The following RALYL variants were observed in gnomAD, a reference collection of about 807,000 sequenced individuals.
RALYL encodes the protein RNA-binding Raly-like protein.
A neutral mutation model predicts 35.1 loss-of-function variants in RALYL; 29 were observed. The ratio of observed to expected loss-of-function variants is 0.83; its 90% CI spans 0.61 to 1.13. RALYL has a LOEUF of 1.13. RALYL is among the 50% of genes most tolerant of loss of function. RALYL has a pLI of 0.00. For missense variants in RALYL, 359 were observed against 360.4 expected (o/e 1.00, Z 0.03); for synonymous variants, 120 against 127.6 (o/e 0.94, Z 0.40).
chr8:84,209,426 A>G (rs1461109730), intron 1 of RALYL, among the ~76,000 whole-genome samples: 1 of 152,184 alleles, frequency 6.6e-6, no homozygotes, highest in Non-Finnish European at 1.5e-5. Context: ...TTTGCATCCT[A>G]CACTCTAAAA....
Position 84,293,622 on chromosome 8 carries a change from T to C in RALYL, c.-24+109198T>C, listed in dbSNP as rs192290548. Among the ~76,000 whole-genome samples, 5 of 152,306 alleles carry C rather than the reference T, an allele frequency of 3.3e-5. No homozygotes were observed. In the East Asian group the frequency reaches 9.7e-4, roughly 29 times the overall value. On this transcript the variant is annotated intron_variant, in intron 1 of 8. Coordinates refer to ENST00000521268, the MANE Select transcript of RALYL (RefSeq NM_173848.7). ...GATAACAAAGCTCTTGAATTTAGCATAGTCTTTCTAAATCATTTTGAGTAG... is the reference window on the plus strand; with the variant it reads ...GATAACAAAGCTCTTGAATTTAGCACAGTCTTTCTAAATCATTTTGAGTAG...
At chr8:84,610,910 TCTTA>T (rs1818171477) in intron 2 of RALYL, among the ~76,000 whole-genome samples, 1 of 149,472 alleles carries the variant, frequency 6.7e-6, no homozygotes, top group Non-Finnish European at 1.5e-5. Flanking sequence ...TTTAGCATTT[TCTTA>T]CTTTGTGGCA....
chr8:84,839,018 C>G (rs1832620895), intron 4 of RALYL, among the ~76,000 whole-genome samples: 1 of 152,210 alleles, frequency 6.6e-6, no homozygotes, highest in African/African-American at 2.4e-5. Context: ...AGGAACAGCT[C>G]CAGTCTACAG....
chr8:84,609,681 A>C (rs1319420897), intron 2 of RALYL, among the ~76,000 whole-genome samples: 1 of 152,206 alleles, frequency 6.6e-6, no homozygotes, highest in African/African-American at 2.4e-5. Flanking sequence ...AATGCTCTGC[A>C]TACAGTTTCT....
chr8:84,617,187 T>C (rs1819955253), intron 2 of RALYL, among the ~76,000 whole-genome samples: 1 of 151,160 alleles, frequency 6.6e-6, no homozygotes, highest in Non-Finnish European at 1.5e-5. Flanking sequence ...TTGGGCAGTA[T>C]GGCCATTTTC....
chr8:84,722,349 A>T (rs150857154), intron 2 of RALYL, among the ~76,000 whole-genome samples: 43 of 152,102 alleles, frequency 2.8e-4, no homozygotes, highest in African/African-American at 1.0e-3. Context: ...AAAATATTGT[A>T]TGGTTGATAA....
intron 1 of RALYL, among the ~76,000 whole-genome samples, chr8:84,372,917 C>CTTTTTTTTTTTTTTTTTTTTTTTTTTT (rs1856174202): frequency 2.5e-3 from 125 of 49,044 alleles, no homozygotes; most frequent in Middle Eastern, 0.012. Flanking sequence ...TTTTTTTTTA[C>CTTTTTTTTTTTTTTTTTTTTTTTTTTT]TTTTTAATAA....
chr8:84,840,779 C>T (rs1206004955), intron 4 of RALYL, among the ~76,000 whole-genome samples: 4 of 152,210 alleles, frequency 2.6e-5, no homozygotes, highest in African/African-American at 9.7e-5. Context: ...TCGGCAGAAA[C>T]TCTACAAGCC....
intron 1 of RALYL, among the ~76,000 whole-genome samples, chr8:84,371,740 A>G (rs1388212040): frequency 6.6e-6 from 1 of 152,078 alleles, no homozygotes; most frequent in Non-Finnish European, 1.5e-5. Context: ...CAATTTAGAG[A>G]ACTATTTCTA....
intron 1 of RALYL, among the ~76,000 whole-genome samples, chr8:84,318,191 A>G (rs1273765708): frequency 7.2e-6 from 1 of 138,316 alleles, no homozygotes; most frequent in Non-Finnish European, 1.6e-5. Context: ...GTAGAGTATC[A>G]AATTCAAGCA....
intron 6 of RALYL, among the ~76,000 whole-genome samples, chr8:84,871,905 A>T (rs1840261153): frequency 1.3e-5 from 2 of 152,060 alleles, no homozygotes; most frequent in African/African-American, 2.4e-5. Context: ...AAATAGTTCT[A>T]TTTTAAGCAA....
intron 1 of RALYL, among the ~76,000 whole-genome samples, chr8:84,416,690 T>C (rs1054455620): frequency 9.2e-5 from 14 of 152,212 alleles, no homozygotes; most frequent in African/African-American, 3.1e-4. Flanking sequence ...TAATTTGTCT[T>C]ATTATGGCAG....
At chr8:84,496,605 A>G (rs2056052770) in intron 1 of RALYL, among the ~76,000 whole-genome samples, 1 of 152,190 alleles carries the variant, frequency 6.6e-6, no homozygotes. Context: ...TCCCCTTAGT[A>G]GTGCAAACAT....
intron 4 of RALYL, among the ~76,000 whole-genome samples, chr8:84,836,962 CTACCACCAGATTT>C (rs1196049848): frequency 6.6e-6 from 1 of 152,196 alleles, no homozygotes. Flanking sequence ...CCACATTTTT[CTACCACCAGATTT>C]CTTGATCATC....
At chr8:84,441,530 T>C (rs2048329626) in intron 1 of RALYL, among the ~76,000 whole-genome samples, 1 of 152,142 alleles carries the variant, frequency 6.6e-6, no homozygotes, top group South Asian at 2.1e-4. Context: ...AATTTTATTT[T>C]TGAGCTAGCT....
At chr8:84,221,653 T>C (rs1049797662) in intron 1 of RALYL, among the ~76,000 whole-genome samples, 2 of 152,100 alleles carry the variant, frequency 1.3e-5, no homozygotes, top group African/African-American at 4.8e-5. Context: ...AAATAAATCT[T>C]GGCTGTTATT....
intron 2 of RALYL, among the ~76,000 whole-genome samples, chr8:84,634,334 T>C (rs1041539067): frequency 4.0e-5 from 6 of 151,888 alleles, no homozygotes; most frequent in African/African-American, 4.8e-5. Context: ...CAAAGGCCTG[T>C]GCTCTGCATT....
chr8:84,301,645 C>A (rs921241396), intron 1 of RALYL, among the ~76,000 whole-genome samples: 2 of 152,058 alleles, frequency 1.3e-5, no homozygotes, highest in African/African-American at 4.8e-5. Context: ...CTCTTTTGCT[C>A]TAAATTGTAC....
At chr8:84,210,797 T>C (rs1819317351) in intron 1 of RALYL, among the ~76,000 whole-genome samples, 1 of 152,108 alleles carries the variant, frequency 6.6e-6, no homozygotes, top group African/African-American at 2.4e-5. Context: ...CAAATACACA[T>C]GGATTATTCA....
Sources: gnomAD v4.1 joint callset for allele counts (sites outside exome capture counted in the v4.1 genomes callset) on GRCh38, gnomAD v4.1.1 for gene constraint, MANE v1.5 for transcripts, NCBI Gene and HGNC (gene_info 2026-07-23, HGNC 2026-07-21) for gene names.